The following MAP2K5 variants were observed in gnomAD, a reference collection of about 807,000 sequenced individuals.
The protein encoded by MAP2K5 is dual specificity mitogen-activated protein kinase kinase 5.
Under a neutral mutation model 83.1 loss-of-function variants are expected in MAP2K5, and 49 were observed. That is an observed-to-expected ratio of 0.59 (90% CI 0.47 to 0.75). The LOEUF (loss-of-function observed/expected upper bound fraction) is 0.75, where lower values mean the gene tolerates loss of function less well. Among genes scored for constraint, MAP2K5 ranks in the 30% least tolerant of loss-of-function variants. The pLI is 0.00. For missense variants in MAP2K5, 457 were observed against 557.5 expected, an observed-to-expected ratio of 0.82 and a Z score of 1.82; for synonymous variants, 202 against 191.8, an observed-to-expected ratio of 1.05 and a Z score of -0.44.
intron 4 of MAP2K5, among the ~76,000 whole-genome samples, chr15:67,585,076 CA>C (rs59012209): frequency 0.16 from 19,847 of 121,952 alleles, 1,764 homozygotes; most frequent in African/African-American, 0.31. Flanking sequence ...GAGAGAGGAG[CA>C]AAAAAAAAAA....
rs368780139 is a variant in MAP2K5, at chr15:67,797,121, CT to C, written c.1243-9521del. Among the ~76,000 whole-genome samples the C allele has an allele frequency of 8.1e-4, 123 of 152,324 alleles. 2 individuals are homozygous for C. Among genetic ancestry groups the C allele is most frequent in the Middle Eastern group, 6.8e-3 (2 of 294 alleles). ...CAACTAGCAGTCCTTACCGCAGCCC[CT>C]TTTCCCCCAGACTTCAGGGTTTTAG... On this transcript the variant is annotated intron_variant, in intron 21 of 21. Transcript: ENST00000178640.
chr15:67,736,640 A>G lies in MAP2K5; in HGVS notation c.1074+8695A>G, dbSNP rs184707650. Among the ~76,000 whole-genome samples, 39 of 152,314 alleles carry G rather than the reference A, an allele frequency of 2.6e-4. No homozygotes were observed. Among genetic ancestry groups the G allele is most frequent in the Middle Eastern group, 3.4e-3 (1 of 294 alleles). ...TTATCATTCACAATCACCATATAAT[A>G]TATAGAATTATATACAGAATCTCGT... On this transcript the variant is annotated intron_variant, in intron 17 of 21. Coordinates refer to ENST00000178640, the MANE Select transcript of MAP2K5 (RefSeq NM_145160.3). This position sits in a 1 kb window ranked among gnomAD's most constrained non-coding sequence, Gnocchi z 4.3.
At chr15:67,596,135 A>G (rs2085521597) in intron 7 of MAP2K5, among the ~76,000 whole-genome samples, 1 of 152,194 alleles carries the variant, frequency 6.6e-6, no homozygotes. Context: ...AAGCCTCTAG[A>G]AAAACTTTTT....
chr15:67,628,862 C>T (rs1173499445), intron 8 of MAP2K5: 24 of 748,222 alleles, frequency 3.2e-5, no homozygotes, highest in Admixed American at 6.9e-5. Context: ...TGATGGCAGC[C>T]GTGGTGATGG....
chr15:67,608,932 G>A (rs1245687897), intron 8 of MAP2K5, among the ~76,000 whole-genome samples: 1 of 152,174 alleles, frequency 6.6e-6, no homozygotes, highest in Non-Finnish European at 1.5e-5. Context: ...ACCTACTGTA[G>A]GCACTTAGTG....
intron 13 of MAP2K5, among the ~76,000 whole-genome samples, chr15:67,688,436 G>A (rs1049923577): frequency 1.3e-5 from 2 of 152,200 alleles, no homozygotes; most frequent in African/African-American, 2.4e-5. Flanking sequence ...TGTTGAGGAA[G>A]GGGTGCATAT....
At chr15:67,600,621 C>T in intron 7 of MAP2K5, 64 bp from the exon 8 acceptor site, 1 of 1,358,868 alleles carries the variant, frequency 7.4e-7, no homozygotes, top group Non-Finnish European at 1.0e-6. Context: ...CCCAGAGTTG[C>T]TTTTCCTTGA....
At chr15:67,574,664 C>T (rs773841962) in intron 3 of MAP2K5, among the ~76,000 whole-genome samples, 3 of 148,178 alleles carry the variant, frequency 2.0e-5, no homozygotes, top group African/African-American at 5.0e-5. Flanking sequence ...GTAAAGAGAT[C>T]GAGACCATTC....
chr15:67,671,120 TG>T (rs1411901973), intron 13 of MAP2K5, among the ~76,000 whole-genome samples: 2 of 152,192 alleles, frequency 1.3e-5, no homozygotes, highest in African/African-American at 4.8e-5. Flanking sequence ...AAAGAGTAGC[TG>T]GATGATCACT....
Position 67,587,995 on chromosome 15 carries a change from C to A in MAP2K5, c.431+1082C>A. The A allele has an allele frequency of 2.0e-6, 1 of 509,226 alleles. No individual in the cohort carries two copies. The highest frequency in any genetic ancestry group is 2.5e-6 in the Non-Finnish European group (1 of 394,556). 31.5% of individuals were successfully genotyped at this position (509,226 alleles called of 1,614,324 possible). A position where few individuals can be genotyped will look rare whatever the true frequency, so the allele number is the denominator to read the frequency against. On this transcript the variant is annotated intron_variant, in intron 6 of 21. Transcript: ENST00000178640. This position sits in a 1 kb window ranked among gnomAD's most constrained non-coding sequence, Gnocchi z 4.8. Reference sequence around the variant, plus strand: ...CTCCTGAGAGTCTACTCCCTCCGTTCTTGGCCCATTCAGCCCCTCCTCCAC... The same window carrying A: ...CTCCTGAGAGTCTACTCCCTCCGTTATTGGCCCATTCAGCCCCTCCTCCAC...
chr15:67,626,370 A>G (rs1006498531), intron 8 of MAP2K5, among the ~76,000 whole-genome samples: 2 of 151,798 alleles, frequency 1.3e-5, no homozygotes, highest in Non-Finnish European at 2.9e-5. Flanking sequence ...GAAAAATACA[A>G]AAAAAAATTA....
rs1566941429 is a variant in MAP2K5, at chr15:67,720,303, T to C, written c.1045-7613T>C. Among the ~76,000 whole-genome samples the C allele has an allele frequency of 6.6e-6, 1 of 151,860 alleles. No homozygotes were observed. Among genetic ancestry groups the C allele is most frequent in the African/African-American group, 2.4e-5 (1 of 41,302 alleles). On this transcript the variant is annotated intron_variant, in intron 16 of 21. Transcript: ENST00000178640. The surrounding 1 kb of genome is among the most constrained non-coding windows in gnomAD (Gnocchi z 5.7). ...ATATATACATAAGTATACACATACA[T>C]ACACACACATATGCTTATACATACA...
At chr15:67,663,694 A>C (rs1479904455) in intron 12 of MAP2K5, among the ~76,000 whole-genome samples, 4 of 152,042 alleles carry the variant, frequency 2.6e-5, no homozygotes, top group African/African-American at 7.2e-5. Context: ...ACAACAAAAC[A>C]AGATCACATC....
chr15:67,715,473 G>C (rs2088808418), intron 16 of MAP2K5, among the ~76,000 whole-genome samples: 1 of 152,188 alleles, frequency 6.6e-6, no homozygotes, highest in Admixed American at 6.5e-5. Context: ...AGTTTGCTTT[G>C]TGTTCAGAGC....
At position 67,543,585 on chromosome 15, in the gene MAP2K5, G is replaced by A. The variant is rs979717392; in HGVS notation, c.135+115G>A. On this transcript the variant is annotated intron_variant, in intron 1 of 21. Transcript: ENST00000178640. This position sits in a 1 kb window ranked among gnomAD's most constrained non-coding sequence, Gnocchi z 4.3. The stretch of plus-strand genomic sequence containing the variant: ...TGGCAATGGCTACTGCTGGCTTCCT[G>A]TGGAGGCAGTTTTATTGCTTCAGGC... 5 of 1,222,522 alleles carry A rather than the reference G, an allele frequency of 4.1e-6. No homozygotes were observed. Among genetic ancestry groups the A allele is most frequent in the Middle Eastern group, 2.7e-4 (1 of 3,758 alleles). The allele number at this position is 1,222,522 out of a possible 1,614,324, so 75.7% of individuals were successfully genotyped here.
rs974086223 is a variant in MAP2K5 at position 67,719,097 on chromosome 15, A to C, written c.1045-8819A>C. Among the ~76,000 whole-genome samples, 1 of 152,098 alleles carries C rather than the reference A, an allele frequency of 6.6e-6. No individual in the cohort carries two copies. Among genetic ancestry groups the C allele is most frequent in the East Asian group, 1.9e-4 (1 of 5,198 alleles). On this transcript the variant is annotated intron_variant, in intron 16 of 21. Coordinates refer to ENST00000178640, the MANE Select transcript of MAP2K5 (RefSeq NM_145160.3). The surrounding 1 kb of genome is among the most constrained non-coding windows in gnomAD (Gnocchi z 4.6). ...TCTGGTAACCATCATTCTACTGTCT[A>C]TCTCCATGAGTTCAATTCATTTAAT...
chr15:67,683,463 A>G (rs1349356002), intron 13 of MAP2K5, among the ~76,000 whole-genome samples: 3 of 152,166 alleles, frequency 2.0e-5, no homozygotes, highest in Non-Finnish European at 2.9e-5. Flanking sequence ...AAAAGCAAAC[A>G]TTTTAAAAGA....
In MAP2K5 at chr15:67,778,132, C is replaced by T. The variant is rs1447497461; in HGVS notation, c.1242+5380C>T. ...GGGGGCTAATAAACACCAAACTGCT[C>T]TAGAAAAATCTGTTTAAACATTTAA... On this transcript the variant is annotated intron_variant, in intron 21 of 21. Transcript: ENST00000178640. The surrounding 1 kb of genome is among the most constrained non-coding windows in gnomAD (Gnocchi z 5.0). Among the ~76,000 whole-genome samples, 1 of 152,152 alleles carries T rather than the reference C, an allele frequency of 6.6e-6. No homozygotes were observed. Among genetic ancestry groups the T allele is most frequent in the Non-Finnish European group, 1.5e-5 (1 of 68,030 alleles).
At chr15:67,590,135 G>T (rs1243406232) in intron 6 of MAP2K5, among the ~76,000 whole-genome samples, 1 of 152,070 alleles carries the variant, frequency 6.6e-6, no homozygotes, top group East Asian at 1.9e-4. Flanking sequence ...TTAAAGTCAA[G>T]AACCCTTGGA....
Sources: gnomAD v4.1 joint callset for allele counts (sites outside exome capture counted in the v4.1 genomes callset) on GRCh38, gnomAD v4.1.1 for gene constraint, Gnocchi (gnomAD v3.1) non-coding constraint, MANE v1.5 for transcripts, NCBI Gene and HGNC (gene_info 2026-07-23, HGNC 2026-07-21) for gene names.